RIMBP2: variants seen among roughly 807,000 people sequenced by gnomAD.
The protein encoded by RIMBP2 is RIMS binding protein 2.
RIMBP2 carries 48 observed loss-of-function variants against 118.6 expected under a neutral mutation model. The observed-to-expected ratio is 0.40, with a 90% CI of 0.32 to 0.51. RIMBP2 has a LOEUF of 0.51. RIMBP2 is among the 20% of genes least tolerant of loss of function. The pLI is 0.41. For missense variants in RIMBP2, 1,551 were observed against 1,768.3 expected (o/e 0.88, Z 2.20); for synonymous variants, 762 against 742.9 (o/e 1.03, Z -0.42).
At chr12:130,473,185 T>A (rs2081149709) in intron 5 of RIMBP2, among the ~76,000 whole-genome samples, 2 of 152,178 alleles carry the variant, frequency 1.3e-5, no homozygotes, top group Non-Finnish European at 2.9e-5. Context: ...ACTGGGCCAT[T>A]TGGGCAATCA....
intron 2 of RIMBP2, among the ~76,000 whole-genome samples, chr12:130,591,989 G>A (rs1304084856): frequency 3.3e-5 from 5 of 152,224 alleles, no homozygotes; most frequent in South Asian, 2.1e-4. Context: ...TCAGAGAGGC[G>A]TGGAGGAGGC....
In RIMBP2 at chr12:130,396,687, C is replaced by T. The variant is rs1170782966; in HGVS notation, c.*674G>A. ...GGAAGGTTGGAGTACTGGTGCTTTACCAAACAAAGTTACTTTCTCTCCTTT... is the reference window on the plus strand; with the variant it reads ...GGAAGGTTGGAGTACTGGTGCTTTATCAAACAAAGTTACTTTCTCTCCTTT... On this transcript the variant is annotated 3_prime_UTR_variant, in exon 23 of 23. Transcript: ENST00000690449. 1.3e-5 allele frequency: 2 copies of T among 152,718 alleles called. No individual in the cohort carries two copies. Among genetic ancestry groups the T allele is most frequent in the Non-Finnish European group, 2.9e-5 (2 of 68,022 alleles). The allele number at this position is 152,718 out of a possible 1,614,324, so 9.5% of individuals were successfully genotyped here. A position where few individuals can be genotyped will look rare whatever the true frequency, so the allele number is the denominator to read the frequency against.
intron 1 of RIMBP2, among the ~76,000 whole-genome samples, chr12:130,629,235 A>C (rs2061833318): frequency 6.6e-6 from 1 of 152,252 alleles, no homozygotes; most frequent in South Asian, 2.1e-4. Flanking sequence ...GATAAAAAGC[A>C]AGTGAGGCTT....
chr12:130,652,573 C>T (rs147204485), intron 1 of RIMBP2, among the ~76,000 whole-genome samples: 40 of 151,922 alleles, frequency 2.6e-4, no homozygotes, highest in Non-Finnish European at 4.9e-4. Context: ...TATATTGGGC[C>T]GTATCTGCAT....
intron 2 of RIMBP2, among the ~76,000 whole-genome samples, chr12:130,613,366 C>A (rs2060682599): frequency 6.6e-6 from 1 of 152,176 alleles, no homozygotes; most frequent in Non-Finnish European, 1.5e-5. Context: ...ATCGGCCAAG[C>A]CACCTGGAAG....
At chr12:130,526,891 G>C (rs1284432771) in intron 2 of RIMBP2, among the ~76,000 whole-genome samples, 1 of 152,160 alleles carries the variant, frequency 6.6e-6, no homozygotes, top group East Asian at 1.9e-4. Context: ...AAAGGCATGG[G>C]TGGGAGAGTA....
Position 130,622,372 on chromosome 12 carries a change from T to C in RIMBP2, c.-217+5950A>G, listed in dbSNP as rs1197952313. Among the ~76,000 whole-genome samples, 2 of 152,232 alleles carry C rather than the reference T, an allele frequency of 1.3e-5. No homozygotes were observed. The highest frequency in any genetic ancestry group is 4.8e-5 in the African/African-American group (2 of 41,468). On this transcript the variant is annotated intron_variant, in intron 2 of 22. Coordinates refer to ENST00000690449, the MANE Select transcript of RIMBP2 (RefSeq NM_001393629.1). The surrounding 1 kb of genome is among the most constrained non-coding windows in gnomAD (Gnocchi z 8.5). ...CTTGTGTTTTACATACATAATTATA[T>C]TGAAAAAGGAAACTACATATAACAC...
At position 130,442,019 on chromosome 12, in the gene RIMBP2, C is replaced by T. The variant is rs752303809; in HGVS notation, c.1333G>A (p.Glu445Lys). The T allele has an allele frequency of 1.2e-6, 2 of 1,614,190 alleles. No homozygotes were observed. Among genetic ancestry groups the T allele is most frequent in the South Asian group, 2.2e-5 (2 of 91,084 alleles). The stretch of plus-strand genomic sequence containing the variant: ...CTGGCGGCCTTGACGATGTCGAACT[C>T]CTCCTCGTTGAGGAAGATGACGTGG... Reference protein sequence around the residue: ...YSHVIFLNEEEFDIVKAARYK... With the variant: ...YSHVIFLNEEKFDIVKAARYK... Residue 445 changes from glutamate (E) to lysine (K), a missense_variant, in exon 11 of 23, where the codon GAG (glutamate) becomes AAG (lysine). Coordinates refer to ENST00000690449, the MANE Select transcript of RIMBP2 (RefSeq NM_001393629.1). The surrounding 1 kb of genome is among the most constrained non-coding windows in gnomAD (Gnocchi z 6.9).
rs2065381555 is a variant in RIMBP2, at chr12:130,692,860, G to GTAGGA, written c.-352+23361_-352+23362insTCCTA. 1.6e-5 allele frequency among the ~76,000 whole-genome samples: 2 copies of GTAGGA among 125,642 alleles called. 1 individual carries two copies. The highest frequency in any genetic ancestry group is 3.1e-5 in the Non-Finnish European group (2 of 64,106). 82.4% of individuals were successfully genotyped at this position (125,642 alleles called of 152,430 possible). The stretch of plus-strand genomic sequence containing the variant: ...ATGGGATGGGATGGGATAGGGTAGG[G>GTAGGA]TAGGGTAGGGTAGGGTAGGGTAGGG... On this transcript the variant is annotated intron_variant, in intron 1 of 22. Transcript: ENST00000690449.
At chr12:130,456,916 C>T (rs910522238) in intron 6 of RIMBP2, among the ~76,000 whole-genome samples, 4 of 152,176 alleles carry the variant, frequency 2.6e-5, no homozygotes, top group African/African-American at 9.7e-5. Flanking sequence ...CAGCAGGGGC[C>T]GCCTCCCACT....
chr12:130,602,998 C>A (rs547055676), intron 2 of RIMBP2, among the ~76,000 whole-genome samples: 1 of 152,226 alleles, frequency 6.6e-6, no homozygotes, highest in Admixed American at 6.5e-5. Flanking sequence ...GTCAGTGAAG[C>A]AATACAATTT....
intron 4 of RIMBP2, among the ~76,000 whole-genome samples, chr12:130,496,569 G>A (rs567065364): frequency 2.6e-5 from 4 of 152,178 alleles, no homozygotes; most frequent in South Asian, 2.1e-4. Context: ...TTCTGTCCAC[G>A]GGAGACCAGC....
At chr12:130,534,751 A>G (rs897841971) in intron 2 of RIMBP2, among the ~76,000 whole-genome samples, 1 of 152,214 alleles carries the variant, frequency 6.6e-6, no homozygotes, top group Non-Finnish European at 1.5e-5. Context: ...GGCAGGTATC[A>G]CTTCCATGAG....
At position 130,406,383 on chromosome 12, in the gene RIMBP2, G is replaced by A. The variant is rs1008447074; in HGVS notation, c.3694-140C>T. ...CTCTTTCAGTCAAATAAAGGTAGAA[G>A]CTAATGAATGGCTCTGTCCACAGTC... On this transcript the variant is annotated intron_variant, in intron 20 of 22. Coordinates refer to ENST00000690449, the MANE Select transcript of RIMBP2 (RefSeq NM_001393629.1). The A allele has an allele frequency of 8.9e-5, 54 of 605,990 alleles. No homozygotes were observed. In the African/African-American group the frequency reaches 1.0e-3, roughly 11 times the overall value. The allele number at this position is 605,990 out of a possible 1,614,324, so 37.5% of individuals were successfully genotyped here. A position where few individuals can be genotyped will look rare whatever the true frequency, so the allele number is the denominator to read the frequency against.
Position 130,529,123 on chromosome 12 carries a change from G to A in RIMBP2, c.-216-11206C>T, listed in dbSNP as rs75361449. On this transcript the variant is annotated intron_variant, in intron 2 of 22. Transcript: ENST00000690449. Reference sequence around the variant, plus strand: ...GTGGAAGATTCTTCAGCCTACAGAAGGAATGACGTGCTGATTCACACCACA... The same window carrying A: ...GTGGAAGATTCTTCAGCCTACAGAAAGAATGACGTGCTGATTCACACCACA... Among the ~76,000 whole-genome samples the A allele has an allele frequency of 7.4e-3, 1,018 of 137,050 alleles. 11 individuals carry two copies. The highest frequency in any genetic ancestry group is 9.5e-3 in the Non-Finnish European group (597 of 62,868). The allele number at this position is 137,050 out of a possible 152,430, so 89.9% of individuals were successfully genotyped here. A position where few individuals can be genotyped will look rare whatever the true frequency, so the allele number is the denominator to read the frequency against.
At chr12:130,438,121 C>T (rs1234173753) in intron 12 of RIMBP2, among the ~76,000 whole-genome samples, 3 of 152,144 alleles carry the variant, frequency 2.0e-5, no homozygotes, top group Non-Finnish European at 4.4e-5. Context: ...CCTCTCTGGC[C>T]CCTGCATTTT....
Position 130,463,538 on chromosome 12 carries a change from G to A in RIMBP2, c.154-6838C>T, listed in dbSNP as rs558565541. Among the ~76,000 whole-genome samples the A allele has an allele frequency of 3.0e-4, 45 of 152,218 alleles. No homozygotes were observed. In the South Asian group the frequency reaches 7.0e-3, roughly 24 times the overall value. ...GCTCAGTGCCCTCCTCTGGCTTCCCGGCCTCTGTGAAGAGGGGTGATAAGC... is the reference window on the plus strand; with the variant it reads ...GCTCAGTGCCCTCCTCTGGCTTCCCAGCCTCTGTGAAGAGGGGTGATAAGC... On this transcript the variant is annotated intron_variant, in intron 6 of 22. Coordinates refer to ENST00000690449, the MANE Select transcript of RIMBP2 (RefSeq NM_001393629.1).
chr12:130,646,219 C>T (rs1463677715), intron 1 of RIMBP2, among the ~76,000 whole-genome samples: 12 of 71,854 alleles, frequency 1.7e-4, no homozygotes, highest in African/African-American at 3.1e-4. Flanking sequence ...CCCTCTCCAC[C>T]TCCCTCACCA....
chr12:130,445,289 C>T lies in RIMBP2; in HGVS notation c.582-20G>A. The stretch of plus-strand genomic sequence containing the variant: ...TTGTAACTGCAGAGAAAACACAGTT[C>T]CTTCATTAGAGGCTCTGGAGGACAC... On this transcript the variant is annotated intron_variant, in intron 9 of 22. Coordinates refer to ENST00000690449, the MANE Select transcript of RIMBP2 (RefSeq NM_001393629.1). The T allele has an allele frequency of 6.3e-7, 1 of 1,579,152 alleles. No homozygotes were observed. Among genetic ancestry groups the T allele is most frequent in the Non-Finnish European group, 8.7e-7 (1 of 1,154,230 alleles).
Sources: gnomAD v4.1 joint callset for allele counts (sites outside exome capture counted in the v4.1 genomes callset) on GRCh38, gnomAD v4.1.1 for gene constraint, Gnocchi (gnomAD v3.1) non-coding constraint, MANE v1.5 for transcripts, NCBI Gene and HGNC (gene_info 2026-07-23, HGNC 2026-07-21) for gene names.